The following SLC17A4 variants were observed in gnomAD, a reference collection of about 807,000 sequenced individuals.
The protein encoded by SLC17A4 is probable small intestine urate exporter.
Under a neutral mutation model 52.5 loss-of-function variants are expected in SLC17A4, and 33 were observed. The ratio of observed to expected loss-of-function variants is 0.63; its 90% CI spans 0.48 to 0.84. The LOEUF (loss-of-function observed/expected upper bound fraction) is 0.84, where lower values mean the gene tolerates loss of function less well. Ranked by LOEUF, SLC17A4 falls within the 40% of genes least tolerant of loss-of-function variation. The pLI is 0.00. For synonymous variants in SLC17A4, 225 were observed against 216.2 expected, an observed-to-expected ratio of 1.04 and a Z score of -0.36; for missense variants, 585 against 597.1, an observed-to-expected ratio of 0.98 and a Z score of 0.21.
chr6:25,769,887 G>A (rs889098656), intron 3 of SLC17A4, among the ~76,000 whole-genome samples, 180 bp from the exon 4 acceptor site: 5 of 152,126 alleles, frequency 3.3e-5, no homozygotes, highest in African/African-American at 4.8e-5. Flanking sequence ...CAGGGTGAGC[G>A]GAAAGAGTAT....
At chr6:25,766,096 C>T (rs1274755428) in intron 2 of SLC17A4, among the ~76,000 whole-genome samples, 1 of 150,318 alleles carries the variant, frequency 6.7e-6, no homozygotes, top group African/African-American at 2.4e-5. Context: ...ATTACATAAT[C>T]ATAATTAACT....
intron 8 of SLC17A4, among the ~76,000 whole-genome samples, chr6:25,775,128 G>C (rs770637469): frequency 1.2e-4 from 19 of 152,066 alleles, no homozygotes; most frequent in Non-Finnish European, 2.6e-4. Context: ...TCAGGTGTTT[G>C]AGACCAGCCT....
At chr6:25,775,968 C>A (rs552777742) in intron 8 of SLC17A4, among the ~76,000 whole-genome samples, 66 of 152,210 alleles carry the variant, frequency 4.3e-4, no homozygotes, top group Non-Finnish European at 7.8e-4. Flanking sequence ...GCAGTGAAAA[C>A]CTTGTTCATT....
chr6:25,765,804 T>C (rs1485864331), intron 2 of SLC17A4, among the ~76,000 whole-genome samples: 7 of 152,012 alleles, frequency 4.6e-5, no homozygotes, highest in Non-Finnish European at 7.4e-5. Context: ...AGAAATTACA[T>C]AGAAAAATGA....
chr6:25,768,849 C>A, intron 2 of SLC17A4, 136 bp from the exon 3 acceptor site: 1 of 809,034 alleles, frequency 1.2e-6, no homozygotes, highest in Non-Finnish European at 2.0e-6. Flanking sequence ...AATTCCACTA[C>A]ACACCTACAG....
rs1763209009 is a variant in SLC17A4 at position 25,779,687 on chromosome 6, G to A, written c.*499G>A. 1 of 153,040 alleles carries A rather than the reference G, an allele frequency of 6.5e-6. No individual in the cohort carries two copies. Among genetic ancestry groups the A allele is most frequent in the South Asian group, 2.1e-4 (1 of 4,856 alleles). The allele number at this position is 153,040 out of a possible 1,614,324, so 9.5% of individuals were successfully genotyped here. A position where few individuals can be genotyped will look rare whatever the true frequency, so the allele number is the denominator to read the frequency against. Reference sequence around the variant, plus strand: ...GAATGAACGTGTCTGCAACTAATGGGAGCAAGATAGTACACTTTAACTCTT... The same window carrying A: ...GAATGAACGTGTCTGCAACTAATGGAAGCAAGATAGTACACTTTAACTCTT... On this transcript the variant is annotated 3_prime_UTR_variant, in exon 12 of 12. Transcript: ENST00000377905.
intron 6 of SLC17A4, 102 bp downstream of exon 6, chr6:25,771,114 C>A: frequency 1.0e-6 from 1 of 972,392 alleles, no homozygotes; most frequent in Non-Finnish European, 1.6e-6. Flanking sequence ...ATTTACATAG[C>A]TAAAGCTGGT....
intron 8 of SLC17A4, among the ~76,000 whole-genome samples, chr6:25,776,073 GT>G (rs1762888181): frequency 6.6e-6 from 1 of 151,916 alleles, no homozygotes; most frequent in African/African-American, 2.4e-5. Context: ...TATATTTGTT[GT>G]CAAATTGCCC....
chr6:25,768,911 C>T (rs1186020358), intron 2 of SLC17A4, 74 bp from the exon 3 acceptor site: 4 of 1,337,400 alleles, frequency 3.0e-6, no homozygotes, highest in Non-Finnish European at 4.3e-6. Context: ...TACCAATCTT[C>T]TCCTTCTTCC....
intron 8 of SLC17A4, 89 bp downstream of exon 8, chr6:25,773,763 A>C: frequency 7.0e-7 from 1 of 1,424,270 alleles, no homozygotes; most frequent in Non-Finnish European, 9.5e-7. Flanking sequence ...TCCCATAGTC[A>C]CAAAATCGGG....
chr6:25,765,000 C>G (rs919706002), intron 2 of SLC17A4, among the ~76,000 whole-genome samples: 2 of 152,174 alleles, frequency 1.3e-5, no homozygotes, highest in Non-Finnish European at 2.9e-5. Flanking sequence ...ACCCCTGCCA[C>G]CAGCCCACCC....
intron 2 of SLC17A4, among the ~76,000 whole-genome samples, chr6:25,763,385 T>C (rs1295829158): frequency 6.6e-6 from 1 of 152,236 alleles, no homozygotes; most frequent in Non-Finnish European, 1.5e-5. Context: ...GTTATTTTGT[T>C]GTGTATCCAA....
Position 25,773,662 on chromosome 6 carries a change from C to A in SLC17A4, c.975C>A (p.Ala325=). 6.2e-7 allele frequency: 1 copy of A among 1,613,374 alleles called. No homozygotes were observed. Among genetic ancestry groups the A allele is most frequent in the Non-Finnish European group, 8.5e-7 (1 of 1,179,630 alleles). ...TPTYISSVLQ[A]NLRDSGILSA... ...CGTACATCAGCTCGGTACTTCAAGCCAACCTCAGAGATGTAAGTACAGAGA... is the reference window on the plus strand; with the variant it reads ...CGTACATCAGCTCGGTACTTCAAGCAAACCTCAGAGATGTAAGTACAGAGA... The change falls in exon 8 of 12, where the codon GCC becomes GCA. Residue 325 remains alanine (A), a synonymous_variant. Transcript: ENST00000377905.
At chr6:25,766,989 C>T (rs1008742072) in intron 2 of SLC17A4, among the ~76,000 whole-genome samples, 15 of 152,120 alleles carry the variant, frequency 9.9e-5, no homozygotes, top group African/African-American at 4.8e-5. Context: ...TAATATATCA[C>T]TGCAGGTTTA....
intron 6 of SLC17A4, 146 bp from the exon 7 acceptor site, chr6:25,773,129 C>T (rs1307408716): frequency 5.7e-6 from 4 of 701,494 alleles, no homozygotes; most frequent in Non-Finnish European, 1.0e-5. Context: ...AGTACCCTCC[C>T]CCATGATAGG....
At chr6:25,769,225 C>T (rs1762272023) in intron 3 of SLC17A4, 35 bp downstream of exon 3, 2 of 1,552,224 alleles carry the variant, frequency 1.3e-6, no homozygotes, top group African/African-American at 1.4e-5. Flanking sequence ...CTTTCTTTGA[C>T]TCAAATAATT....
chr6:25,759,180 T>G (rs756895140), intron 1 of SLC17A4, among the ~76,000 whole-genome samples: 2 of 152,190 alleles, frequency 1.3e-5, no homozygotes, highest in African/African-American at 2.4e-5. Flanking sequence ...ATAATTTCGA[T>G]TTCCTTAAAT....
At chr6:25,764,064 G>A (rs1243365114) in intron 2 of SLC17A4, among the ~76,000 whole-genome samples, 1 of 152,150 alleles carries the variant, frequency 6.6e-6, no homozygotes, top group Non-Finnish European at 1.5e-5. Context: ...CACAAAGTGG[G>A]TATTTTTCAG....
chr6:25,775,899 C>A (rs1377421941), intron 8 of SLC17A4, among the ~76,000 whole-genome samples: 1 of 152,124 alleles, frequency 6.6e-6, no homozygotes, highest in African/African-American at 2.4e-5. Flanking sequence ...ATCTTCATAT[C>A]AGTACATGAG....
Sources: allele counts gnomAD v4.1 joint callset (sites outside exome capture counted in the v4.1 genomes callset), GRCh38; gene constraint gnomAD v4.1.1; transcripts MANE v1.5; gene names NCBI Gene and HGNC (gene_info 2026-07-23, HGNC 2026-07-21).